DPP10: variants seen among roughly 807,000 people sequenced by gnomAD.
DPP10 encodes dipeptidyl peptidase like 10.
Under a neutral mutation model 120.9 loss-of-function variants are expected in DPP10, and 33 were observed. The observed-to-expected ratio is 0.27, with a 90% CI of 0.21 to 0.37. The LOEUF (loss-of-function observed/expected upper bound fraction) is 0.37, where lower values mean the gene tolerates loss of function less well. Among genes scored for constraint, DPP10 ranks in the 10% least tolerant of loss-of-function variants. The probability of loss-of-function intolerance (pLI) is 1.00; values close to 1 mark genes in which losing one functional copy is unlikely to be tolerated. For synonymous variants in DPP10, 337 were observed against 326.1 expected, an observed-to-expected ratio of 1.03 and a Z score of -0.36; for missense variants, 816 against 942.8, an observed-to-expected ratio of 0.87 and a Z score of 1.76.
chr2:115,738,265 T>C (rs1427840245), intron 8 of DPP10, among the ~76,000 whole-genome samples: 1 of 152,214 alleles, frequency 6.6e-6, no homozygotes, highest in Non-Finnish European at 1.5e-5. Flanking sequence ...ACAGAAGAGA[T>C]GGACTCTTCC....
chr2:115,832,496 TA>T (rs1366581132), intron 21 of DPP10, among the ~76,000 whole-genome samples: 1 of 152,140 alleles, frequency 6.6e-6, no homozygotes, highest in Non-Finnish European at 1.5e-5. Flanking sequence ...CTAAAATAAA[TA>T]AAATTATTCT....
chr2:115,499,596 A>G lies in DPP10; in HGVS notation c.358A>G (p.Thr120Ala), dbSNP rs373910244. 2.9e-5 allele frequency: 46 copies of G among 1,609,400 alleles called. No homozygotes were observed. Among genetic ancestry groups the G allele is most frequent in the Non-Finnish European group, 3.7e-5 (43 of 1,176,802 alleles). The part of the protein sequence containing the change: ...TNATTLLLEN[T>A]TFVTFKASRH... Reference sequence around the variant, plus strand: ...TGCTACCACATTATTATTGGAAAACACAACTTTTGTAAGTAATGAATAATT... The same window carrying G: ...TGCTACCACATTATTATTGGAAAACGCAACTTTTGTAAGTAATGAATAATT... The change falls in exon 4 of 26, where the codon ACA becomes GCA. Residue 120 changes from threonine (T) to alanine (A), a missense_variant. Transcript: ENST00000410059.
At chr2:115,538,069 C>T (rs1318696978) in intron 5 of DPP10, among the ~76,000 whole-genome samples, 1 of 151,968 alleles carries the variant, frequency 6.6e-6, no homozygotes, top group African/African-American at 2.4e-5. Flanking sequence ...CCATCACTAG[C>T]ACTCTAGTGT....
rs180692426 is a variant in DPP10 at position 114,864,416 on chromosome 2, C to T, written c.60+421578C>T. Among the ~76,000 whole-genome samples the T allele has an allele frequency of 1.4e-3, 216 of 152,202 alleles. 1 individual carries two copies. Among genetic ancestry groups the T allele is most frequent in the African/African-American group, 5.0e-3 (206 of 41,516 alleles). ...CAATATTAACAGCTCACAGTGCAGGCATAAAACAAGTGTTATTAAAGGAAA... is the reference window on the plus strand; with the variant it reads ...CAATATTAACAGCTCACAGTGCAGGTATAAAACAAGTGTTATTAAAGGAAA... On this transcript the variant is annotated intron_variant, in intron 1 of 25. Transcript: ENST00000410059.
chr2:115,682,944 C>A (rs779362158), intron 5 of DPP10, among the ~76,000 whole-genome samples: 2 of 151,716 alleles, frequency 1.3e-5, no homozygotes, highest in African/African-American at 2.4e-5. Context: ...CCCAAATAAA[C>A]CAAAGAAAAG....
chr2:115,189,083 C>T (rs145019540), intron 1 of DPP10, among the ~76,000 whole-genome samples: 1 of 152,218 alleles, frequency 6.6e-6, no homozygotes, highest in African/African-American at 2.4e-5. Flanking sequence ...AAATAGCACT[C>T]GAACATAAAT....
intron 3 of DPP10, among the ~76,000 whole-genome samples, chr2:115,359,748 A>G (rs993962253): frequency 5.3e-5 from 8 of 152,024 alleles, no homozygotes; most frequent in Non-Finnish European, 8.8e-5. Context: ...CAGGAATGCT[A>G]TTGCATAATA....
At chr2:114,520,100 G>T (rs1328875681) in intron 1 of DPP10, among the ~76,000 whole-genome samples, 2 of 152,146 alleles carry the variant, frequency 1.3e-5, no homozygotes, top group Non-Finnish European at 2.9e-5. Context: ...CAATTTCCCT[G>T]GTCAGGAACA....
intron 1 of DPP10, among the ~76,000 whole-genome samples, chr2:114,957,013 A>T (rs956890455): frequency 1.3e-4 from 20 of 150,992 alleles, no homozygotes; most frequent in African/African-American, 4.4e-4. Context: ...AGAAAACTGC[A>T]TGATATTGAT....
chr2:114,718,296 C>A (rs965605331), intron 1 of DPP10, among the ~76,000 whole-genome samples: 4 of 146,346 alleles, frequency 2.7e-5, no homozygotes, highest in Non-Finnish European at 6.0e-5. Context: ...AAATTTAATT[C>A]TAGCTGAGGC....
At chr2:114,668,605 T>C (rs1698108605) in intron 1 of DPP10, among the ~76,000 whole-genome samples, 2 of 152,076 alleles carry the variant, frequency 1.3e-5, no homozygotes, top group African/African-American at 2.4e-5. Context: ...AACCTCAAAA[T>C]TAAACCCACA....
chr2:114,486,450 A>C (rs1455376617), intron 1 of DPP10, among the ~76,000 whole-genome samples: 1 of 152,160 alleles, frequency 6.6e-6, no homozygotes, highest in African/African-American at 2.4e-5. Context: ...TTTTATGAGA[A>C]TACTGTTTTG....
At chr2:115,561,592 T>G (rs1457935420) in intron 5 of DPP10, among the ~76,000 whole-genome samples, 2 of 152,130 alleles carry the variant, frequency 1.3e-5, no homozygotes, top group Admixed American at 1.3e-4. Context: ...GAGAAGTATT[T>G]AAATGAAGGG....
chr2:115,784,853 A>G (rs1272382550), intron 17 of DPP10, among the ~76,000 whole-genome samples: 1 of 152,062 alleles, frequency 6.6e-6, no homozygotes, highest in Non-Finnish European at 1.5e-5. Flanking sequence ...CTTTTATATC[A>G]TTTTTTCATT....
At chr2:114,968,788 A>C (rs1255227561) in intron 1 of DPP10, among the ~76,000 whole-genome samples, 2 of 152,184 alleles carry the variant, frequency 1.3e-5, no homozygotes, top group African/African-American at 4.8e-5. Context: ...TTTTTCTTGA[A>C]CTATAAAGGA....
intron 5 of DPP10, among the ~76,000 whole-genome samples, chr2:115,687,485 G>GGATGGATAGATAGATA (rs369660132): frequency 2.0e-5 from 3 of 146,900 alleles, no homozygotes; most frequent in East Asian, 2.0e-4. Flanking sequence ...ATGGATGGAT[G>GGATGGATAGATAGATA]GATAGATAGA....
In DPP10 at chr2:115,522,368, C is replaced by T. The variant is rs532945574; in HGVS notation, c.367-3530C>T. 6.0e-4 allele frequency among the ~76,000 whole-genome samples: 91 copies of T among 152,296 alleles called. 1 individual carries two copies. The Middle Eastern group carries it at 0.01, about 17-fold the overall frequency. On this transcript the variant is annotated intron_variant, in intron 4 of 25. Coordinates refer to ENST00000410059, the MANE Select transcript of DPP10 (RefSeq NM_020868.6). ...ATCCTGAACAATATGGAAAGGGAAA[C>T]ATCCTAGTGGGTTTGGTTTCCCAAC...
chr2:115,511,202 T>A (rs2148836092), intron 4 of DPP10, among the ~76,000 whole-genome samples: 1 of 152,282 alleles, frequency 6.6e-6, no homozygotes, highest in East Asian at 1.9e-4. Flanking sequence ...TCACTGATGA[T>A]ACCATTATGG....
chr2:115,661,735 A>G lies in DPP10; in HGVS notation c.442-27952A>G, dbSNP rs531836464. ...TTTTTGCCTTCAGTTTTATTGTGCT[A>G]TAATTGACAATTAAAATTTCATATA... is the stretch of plus-strand genomic sequence containing the variant. On this transcript the variant is annotated intron_variant, in intron 5 of 25. Coordinates refer to ENST00000410059, the MANE Select transcript of DPP10 (RefSeq NM_020868.6). 1.6e-4 allele frequency among the ~76,000 whole-genome samples: 25 copies of G among 152,336 alleles called. No individual in the cohort carries two copies. The South Asian group carries it at 4.6e-3, about 28-fold the overall frequency.
Sources: gnomAD v4.1 joint callset for allele counts (sites outside exome capture counted in the v4.1 genomes callset) on GRCh38, gnomAD v4.1.1 for gene constraint, MANE v1.5 for transcripts, NCBI Gene and HGNC (gene_info 2026-07-23, HGNC 2026-07-21) for gene names.